MALT1: variants seen among roughly 807,000 people sequenced by gnomAD.
MALT1 encodes the protein MALT1 paracaspase.
Under a neutral mutation model 85.5 loss-of-function variants are expected in MALT1, and 36 were observed. That is an observed-to-expected ratio of 0.42 (90% confidence interval 0.32 to 0.56). The LOEUF is 0.56. MALT1 is among the 20% of genes least tolerant of loss of function. The pLI, the probability that MALT1 is intolerant of heterozygous loss-of-function variation, is 0.10. For missense variants in MALT1, 716 were observed against 981.6 expected (o/e 0.73, Z 3.62); for synonymous variants, 359 against 361.3 (o/e 0.99, Z 0.07).
chr18:58,692,844 G>A (rs1040308473), intron 2 of MALT1, among the ~76,000 whole-genome samples: 4 of 152,256 alleles, frequency 2.6e-5, no homozygotes, highest in Non-Finnish European at 2.9e-5. Flanking sequence ...GTGAACACAC[G>A]AATGATAAGA....
chr18:58,735,417 T>C, intron 13 of MALT1, 88 bp downstream of exon 13: 1 of 1,384,926 alleles, frequency 7.2e-7, no homozygotes, highest in Non-Finnish European at 9.6e-7. Context: ...GGTGATTGTT[T>C]TATTCTTATT....
chr18:58,684,439 C>CTTT (rs548214354), intron 2 of MALT1, among the ~76,000 whole-genome samples: 6 of 73,546 alleles, frequency 8.2e-5, no homozygotes, highest in Non-Finnish European at 1.3e-4. Flanking sequence ...AAGATTTACT[C>CTTT]TTTTTTTTTT....
intron 10 of MALT1, among the ~76,000 whole-genome samples, chr18:58,731,779 C>T (rs893967666): frequency 6.6e-6 from 1 of 151,994 alleles, no homozygotes; most frequent in African/African-American, 2.4e-5. Context: ...ACGTGTGAAT[C>T]GTGTGAATTC....
intron 13 of MALT1, among the ~76,000 whole-genome samples, chr18:58,735,933 C>T (rs767718389): frequency 6.6e-6 from 1 of 152,084 alleles, no homozygotes; most frequent in Non-Finnish European, 1.5e-5. Flanking sequence ...GAACAAGTAC[C>T]TATTATTTCA....
rs2055452778 is a variant in MALT1 at position 58,751,995 on chromosome 18, T to C, written c.*4153T>C. The C allele has an allele frequency of 6.6e-6, 1 of 152,206 alleles. No individual in the cohort carries two copies. Among genetic ancestry groups the C allele is most frequent in the Admixed American group, 6.5e-5 (1 of 15,278 alleles). 9.4% of individuals were successfully genotyped at this position (152,206 alleles called of 1,614,324 possible). On this transcript the variant is annotated 3_prime_UTR_variant, in exon 17 of 17. Coordinates refer to ENST00000649217, the MANE Select transcript of MALT1 (RefSeq NM_006785.4). ...GAAAAGGTCCATTTAGACATTGCCT[T>C]CTTCCCCCATCTCTAATGCCTCTTT...
intron 1 of MALT1, among the ~76,000 whole-genome samples, chr18:58,679,133 C>A (rs1412609254): frequency 6.6e-6 from 1 of 152,188 alleles, no homozygotes; most frequent in Non-Finnish European, 1.5e-5. Context: ...GATTACAATT[C>A]ATATCATTGT....
At chr18:58,734,403 G>C in intron 12 of MALT1, 22 bp downstream of exon 12, 1 of 1,592,432 alleles carries the variant, frequency 6.3e-7, no homozygotes, top group Non-Finnish European at 8.6e-7. Context: ...TGATGTTTAC[G>C]TTGAAGTTTC....
chr18:58,689,680 G>C (rs572137427), intron 2 of MALT1, among the ~76,000 whole-genome samples: 4 of 152,164 alleles, frequency 2.6e-5, no homozygotes, highest in African/African-American at 9.7e-5. Context: ...ATAGATAACT[G>C]GGGGGTGGGA....
At position 58,671,558 on chromosome 18, in the gene MALT1, C is replaced by G. The variant is rs957890517; in HGVS notation, c.-86C>G. 6.7e-6 allele frequency: 6 copies of G among 901,092 alleles called. No homozygotes were observed. The East Asian group carries it at 2.1e-4, about 32-fold the overall frequency. The allele number at this position is 901,092 out of a possible 1,614,324, so 55.8% of individuals were successfully genotyped here. ...TTCTTCCGCCCCTGCCTCCGCGGCTCGGAGGCGAGCGGAAGGTGCCCCGGG... is the reference window on the plus strand; with the variant it reads ...TTCTTCCGCCCCTGCCTCCGCGGCTGGGAGGCGAGCGGAAGGTGCCCCGGG... On this transcript the variant is annotated 5_prime_UTR_variant, in exon 1 of 17. Coordinates refer to ENST00000649217, the MANE Select transcript of MALT1 (RefSeq NM_006785.4).
At chr18:58,725,631 C>G (rs2055044766) in intron 10 of MALT1, among the ~76,000 whole-genome samples, 1 of 152,146 alleles carries the variant, frequency 6.6e-6, no homozygotes, top group Non-Finnish European at 1.5e-5. Flanking sequence ...AAATATTGAT[C>G]AGTTTAGGTT....
At chr18:58,716,728 T>C (rs1035899832) in intron 9 of MALT1, among the ~76,000 whole-genome samples, 1 of 151,940 alleles carries the variant, frequency 6.6e-6, no homozygotes, top group Non-Finnish European at 1.5e-5. Context: ...GAAAGAGTGG[T>C]TTGAAATTAA....
chr18:58,711,029 C>A, intron 7 of MALT1, 76 bp downstream of exon 7: 1 of 963,762 alleles, frequency 1.0e-6, no homozygotes, highest in Non-Finnish European at 1.5e-6. Flanking sequence ...TGCTTTTAGC[C>A]TACTGAGTGC....
intron 13 of MALT1, among the ~76,000 whole-genome samples, chr18:58,739,345 A>G (rs921677083): frequency 1.3e-5 from 2 of 152,310 alleles, no homozygotes; most frequent in South Asian, 2.1e-4. Context: ...TATCAGTGTT[A>G]TCAGTATCAG....
At chr18:58,672,281 A>C (rs545287616) in intron 1 of MALT1, 1 of 158,624 alleles carries the variant, frequency 6.3e-6, no homozygotes, top group Admixed American at 6.5e-5. Flanking sequence ...GAAGAAGCGC[A>C]GGCGAGGTGA....
intron 13 of MALT1, among the ~76,000 whole-genome samples, chr18:58,739,840 T>G (rs1481383076): frequency 6.6e-6 from 1 of 152,140 alleles, no homozygotes; most frequent in Non-Finnish European, 1.5e-5. Flanking sequence ...CGTGTACGTG[T>G]ACACATGCGC....
intron 9 of MALT1, 149 bp from the exon 10 acceptor site, chr18:58,722,899 T>C: frequency 1.6e-6 from 1 of 610,104 alleles, no homozygotes; most frequent in South Asian, 2.1e-5. Flanking sequence ...CTTACATAAA[T>C]AGTTCTAAAA....
intron 2 of MALT1, among the ~76,000 whole-genome samples, chr18:58,689,258 T>TAAA (rs11421834): frequency 2.8e-5 from 4 of 144,010 alleles, no homozygotes; most frequent in African/African-American, 7.6e-5. Flanking sequence ...TTTTACAATG[T>TAAA]AAAAAAAAAA....
intron 7 of MALT1, among the ~76,000 whole-genome samples, 173 bp downstream of exon 7, chr18:58,711,126 C>G (rs183678061): frequency 6.6e-6 from 1 of 152,302 alleles, no homozygotes; most frequent in East Asian, 1.9e-4. Flanking sequence ...AATGGACAGA[C>G]ATGATTAAAT....
chr18:58,671,631 G>A lies in MALT1; in HGVS notation c.-13G>A. The A allele has an allele frequency of 8.2e-7, 1 of 1,212,536 alleles. No individual in the cohort carries two copies. Among genetic ancestry groups the A allele is most frequent in the Non-Finnish European group, 1.0e-6 (1 of 975,424 alleles). The allele number at this position is 1,212,536 out of a possible 1,614,324, so 75.1% of individuals were successfully genotyped here. A position where few individuals can be genotyped will look rare whatever the true frequency, so the allele number is the denominator to read the frequency against. On this transcript the variant is annotated 5_prime_UTR_variant, in exon 1 of 17. Coordinates refer to ENST00000649217, the MANE Select transcript of MALT1 (RefSeq NM_006785.4). ...GCGGGAGCCCCGGCAGTCCGGGGTC[G>A]CCGGCGAGGGCCATGTCGCTGTTGG...
Sources: gnomAD v4.1 joint callset for allele counts (sites outside exome capture counted in the v4.1 genomes callset) on GRCh38, gnomAD v4.1.1 for gene constraint, MANE v1.5 for transcripts, NCBI Gene and HGNC (gene_info 2026-07-23, HGNC 2026-07-21) for gene names.